The following ZPBP variants were observed in gnomAD, a reference collection of about 807,000 sequenced individuals.
The protein encoded by ZPBP is zona pellucida-binding protein 1.
In ZPBP, 26 loss-of-function variants were observed where a neutral mutation model predicts 44.8. That is an observed-to-expected ratio of 0.58 (90% CI 0.43 to 0.81). The LOEUF (loss-of-function observed/expected upper bound fraction) is 0.81. Among genes scored for constraint, ZPBP ranks in the 30% least tolerant of loss-of-function variants. The probability of loss-of-function intolerance (pLI) is 0.00; values close to 1 mark genes in which losing one functional copy is unlikely to be tolerated. For synonymous variants in ZPBP, 174 were observed against 153.2 expected (o/e 1.14, Z -1.00); for missense variants, 409 against 434.0 (o/e 0.94, Z 0.51).
chr7:49,951,740 C>A (rs1795353796), intron 7 of ZPBP, among the ~76,000 whole-genome samples: 2 of 150,968 alleles, frequency 1.3e-5, no homozygotes, highest in African/African-American at 2.4e-5. Context: ...TGGTATGTAC[C>A]CAAAAGAACT....
intron 6 of ZPBP, among the ~76,000 whole-genome samples, chr7:50,001,654 TA>T (rs1798098324): frequency 6.6e-6 from 1 of 152,114 alleles, no homozygotes; most frequent in South Asian, 2.1e-4. Flanking sequence ...TGAAGGAGAA[TA>T]ATCCATTCCT....
At chr7:50,016,593 T>G (rs1414527187) in intron 6 of ZPBP, among the ~76,000 whole-genome samples, 5 of 152,054 alleles carry the variant, frequency 3.3e-5, no homozygotes, top group Non-Finnish European at 7.4e-5. Flanking sequence ...GCTCAAACAA[T>G]TATCACCTTG....
intron 7 of ZPBP, among the ~76,000 whole-genome samples, chr7:49,976,229 CT>C (rs1796512499): frequency 6.6e-6 from 1 of 152,162 alleles, no homozygotes; most frequent in Non-Finnish European, 1.5e-5. Flanking sequence ...ACATTTATCT[CT>C]ATGTTTTTCT....
intron 4 of ZPBP, among the ~76,000 whole-genome samples, chr7:50,048,201 T>C (rs1800484277): frequency 6.6e-6 from 1 of 152,014 alleles, no homozygotes; most frequent in African/African-American, 2.4e-5. Context: ...GATAAAAAGG[T>C]CAGTATATCA....
chr7:50,034,562 A>T (rs1458938974), intron 4 of ZPBP, among the ~76,000 whole-genome samples: 1 of 152,176 alleles, frequency 6.6e-6, no homozygotes, highest in Non-Finnish European at 1.5e-5. Context: ...AGACTGCTCC[A>T]GATGTTAACT....
At chr7:49,956,383 A>G (rs1468617450) in intron 7 of ZPBP, among the ~76,000 whole-genome samples, 3 of 152,120 alleles carry the variant, frequency 2.0e-5, no homozygotes, top group Admixed American at 2.0e-4. Flanking sequence ...CAATGCCCTC[A>G]TTGAAAATTT....
intron 7 of ZPBP, among the ~76,000 whole-genome samples, chr7:49,980,659 C>T (rs962650529): frequency 2.6e-5 from 4 of 151,866 alleles, no homozygotes; most frequent in Admixed American, 6.6e-5. Flanking sequence ...GTATAGCCAG[C>T]TCTCACAGGA....
intron 3 of ZPBP, among the ~76,000 whole-genome samples, chr7:50,068,361 T>C (rs963449206): frequency 1.3e-4 from 20 of 152,034 alleles, no homozygotes; most frequent in African/African-American, 4.1e-4. Flanking sequence ...CCTGACACTT[T>C]ATAGCCTGTC....
intron 2 of ZPBP, among the ~76,000 whole-genome samples, chr7:49,852,596 G>T (rs1266079356): frequency 6.6e-6 from 1 of 152,050 alleles, no homozygotes; most frequent in African/African-American, 2.4e-5. Context: ...GTGGCTTTTT[G>T]AGAAGTGATG....
At chr7:49,867,863 T>C (rs1290001349) in intron 2 of ZPBP, among the ~76,000 whole-genome samples, 1 of 151,844 alleles carries the variant, frequency 6.6e-6, no homozygotes, top group Non-Finnish European at 1.5e-5. Context: ...AGGTGGAGTC[T>C]TGCCCTGTTG....
chr7:49,945,690 CT>C (rs939772943), intron 7 of ZPBP, among the ~76,000 whole-genome samples: 3 of 151,632 alleles, frequency 2.0e-5, no homozygotes, highest in Non-Finnish European at 4.4e-5. Context: ...TTGCATGGAA[CT>C]TTTTTTAACT....
intron 7 of ZPBP, among the ~76,000 whole-genome samples, chr7:49,972,484 G>T (rs1796339316): frequency 6.6e-6 from 1 of 151,960 alleles, no homozygotes; most frequent in Non-Finnish European, 1.5e-5. Flanking sequence ...TCCATTTACA[G>T]TAACATTAAA....
chr7:50,031,416 A>T, intron 4 of ZPBP, 106 bp from the exon 5 acceptor site: 1 of 830,868 alleles, frequency 1.2e-6, no homozygotes, highest in Admixed American at 2.8e-5. Context: ...TTCTTGGTAC[A>T]TGTTTTTAGA....
At chr7:50,030,953 G>A in intron 5 of ZPBP, 139 bp downstream of exon 5, 2 of 744,352 alleles carry the variant, frequency 2.7e-6, no homozygotes, top group Non-Finnish European at 4.4e-6. Flanking sequence ...ACAGCACTAA[G>A]TCAAAGTAGA....
chr7:50,058,433 G>A (rs1049899399), intron 3 of ZPBP, among the ~76,000 whole-genome samples: 1 of 151,886 alleles, frequency 6.6e-6, no homozygotes, highest in African/African-American at 2.4e-5. Context: ...CATTGAACTG[G>A]GCACTATCAG....
chr7:49,946,045 C>A (rs1272567882), intron 7 of ZPBP, among the ~76,000 whole-genome samples: 1 of 152,048 alleles, frequency 6.6e-6, no homozygotes, highest in Non-Finnish European at 1.5e-5. Context: ...TTTAAACTGA[C>A]AACAACTTAA....
At chr7:49,849,052 G>A (rs1362785983), downstream of ZPBP, among the ~76,000 whole-genome samples, 1 of 152,144 alleles carries the variant, frequency 6.6e-6, no homozygotes, top group African/African-American at 2.4e-5. Context: ...CTTCATGTAT[G>A]ACAAATGTGT....
In ZPBP at chr7:49,981,199, T is replaced by C. The variant is rs970034123; in HGVS notation, c.961+2143A>G. ...GATTATTTCTATCATATAATGTATG[T>C]TATATATAATGTAATATATATTTAT... On this transcript the variant is annotated intron_variant, in intron 7 of 7. Transcript: ENST00000046087. Among the ~76,000 whole-genome samples the C allele has an allele frequency of 3.8e-5, 5 of 131,366 alleles. No individual in the cohort carries two copies. The Admixed American group carries it at 4.6e-4, about 12-fold the overall frequency. The allele number at this position is 131,366 out of a possible 152,430, so 86.2% of individuals were successfully genotyped here.
chr7:49,998,455 G>C (rs1797955163), intron 6 of ZPBP, among the ~76,000 whole-genome samples: 1 of 151,998 alleles, frequency 6.6e-6, no homozygotes, highest in African/African-American at 2.4e-5. Context: ...AGTGACATTA[G>C]GAAAAAATAA....
Sources: gnomAD v4.1 joint callset for allele counts (sites outside exome capture counted in the v4.1 genomes callset) on GRCh38, gnomAD v4.1.1 for gene constraint, MANE v1.5 for transcripts, NCBI Gene and HGNC (gene_info 2026-07-23, HGNC 2026-07-21) for gene names.